The following NOS1AP variants were observed in gnomAD, a reference collection of about 807,000 sequenced individuals.
NOS1AP encodes the protein nitric oxide synthase 1 adaptor protein, also known as carboxyl-terminal PDZ ligand of neuronal nitric oxide synthase protein.
A neutral mutation model predicts 56.2 loss-of-function variants in NOS1AP; 21 were observed. That is an observed-to-expected ratio of 0.37 (90% CI 0.26 to 0.54). The LOEUF is 0.54. Ranked by LOEUF, NOS1AP falls within the 20% of genes least tolerant of loss-of-function variation. The probability of loss-of-function intolerance (pLI) is 0.84; values close to 1 mark genes in which losing one functional copy is unlikely to be tolerated. For synonymous variants in NOS1AP, 270 were observed against 274.6 expected (o/e 0.98, Z 0.17); for missense variants, 522 against 657.8 (o/e 0.79, Z 2.26).
rs572122759 is a variant in NOS1AP at position 162,316,704 on chromosome 1, T to G, written c.344+15998T>G. 7 of 152,520 alleles carry G rather than the reference T, an allele frequency of 4.6e-5. No homozygotes were observed. The South Asian group carries it at 1.2e-3, about 27-fold the overall frequency. 9.4% of individuals were successfully genotyped at this position (152,520 alleles called of 1,614,324 possible). On this transcript the variant is annotated intron_variant, in intron 4 of 9. Transcript: ENST00000361897. ...TAGGCAGTGGAGTTAAGAGCAATGTTTTAGGGGCAGGGGGTGGATCTCACA... is the reference window on the plus strand; with the variant it reads ...TAGGCAGTGGAGTTAAGAGCAATGTGTTAGGGGCAGGGGGTGGATCTCACA...
chr1:162,332,334 C>A (rs1656795458), intron 4 of NOS1AP, among the ~76,000 whole-genome samples: 1 of 152,156 alleles, frequency 6.6e-6, no homozygotes, highest in Admixed American at 6.5e-5. Flanking sequence ...CCTTATTTTT[C>A]TTCATAGCAC....
At chr1:162,336,917 G>A (rs1468839435) in intron 5 of NOS1AP, among the ~76,000 whole-genome samples, 1 of 152,224 alleles carries the variant, frequency 6.6e-6, no homozygotes, top group Admixed American at 6.5e-5. Context: ...TGCTAGAAAG[G>A]AGGGATGGGA....
chr1:162,139,433 T>G, intron 1 of NOS1AP, among the ~76,000 whole-genome samples: 1 of 152,224 alleles, frequency 6.6e-6, no homozygotes, highest in East Asian at 1.9e-4. Context: ...GGGAAAGGAC[T>G]GATGACAGGA....
At chr1:162,304,954 C>T (rs144824032) in intron 4 of NOS1AP, among the ~76,000 whole-genome samples, 7 of 152,220 alleles carry the variant, frequency 4.6e-5, no homozygotes, top group African/African-American at 1.4e-4. Flanking sequence ...TGGTTTGATT[C>T]ACTAGCTCTG....
At chr1:162,182,096 G>A (rs1193493126) in intron 2 of NOS1AP, among the ~76,000 whole-genome samples, 1 of 152,204 alleles carries the variant, frequency 6.6e-6, no homozygotes, top group Non-Finnish European at 1.5e-5. Flanking sequence ...AGAGGAGGAA[G>A]CCAGGGTCTG....
At chr1:162,075,107 C>T (rs980166468) in intron 1 of NOS1AP, among the ~76,000 whole-genome samples, 3 of 152,176 alleles carry the variant, frequency 2.0e-5, no homozygotes, top group Non-Finnish European at 4.4e-5. Context: ...CTGTTTACCA[C>T]ACAAAATTCT....
At chr1:162,281,848 C>T (rs1036486584) in intron 2 of NOS1AP, among the ~76,000 whole-genome samples, 5 of 152,178 alleles carry the variant, frequency 3.3e-5, no homozygotes, top group Admixed American at 2.6e-4. Flanking sequence ...AGGCCGGGCG[C>T]GGTGGCTCAC....
At chr1:162,182,343 C>T (rs189203841) in intron 2 of NOS1AP, among the ~76,000 whole-genome samples, 8 of 152,250 alleles carry the variant, frequency 5.3e-5, no homozygotes, top group Admixed American at 3.3e-4. Flanking sequence ...TGCAATAAAA[C>T]GAGTATCTCA....
chr1:162,350,003 A>T (rs1171302334), intron 6 of NOS1AP, among the ~76,000 whole-genome samples: 3 of 152,228 alleles, frequency 2.0e-5, no homozygotes, highest in South Asian at 2.1e-4. Flanking sequence ...AACTGCTAGG[A>T]ATGTGTTTCT....
chr1:162,104,687 G>T (rs1250455310), intron 1 of NOS1AP, among the ~76,000 whole-genome samples: 1 of 151,616 alleles, frequency 6.6e-6, no homozygotes, highest in Non-Finnish European at 1.5e-5. Flanking sequence ...CTTTCACTTG[G>T]TCTATTCTGC....
At chr1:162,224,791 A>C (rs141240624) in intron 2 of NOS1AP, among the ~76,000 whole-genome samples, 23 of 152,260 alleles carry the variant, frequency 1.5e-4, no homozygotes, top group African/African-American at 5.3e-4. Context: ...ATTGACCAGA[A>C]TCTTCCCTGT....
chr1:162,135,759 A>G (rs970558636), intron 1 of NOS1AP, among the ~76,000 whole-genome samples: 3 of 152,226 alleles, frequency 2.0e-5, no homozygotes, highest in Admixed American at 6.5e-5. Context: ...TTTTGGGAAC[A>G]TTAAAGGCCT....
chr1:162,242,827 C>T (rs1423828176), intron 2 of NOS1AP, among the ~76,000 whole-genome samples: 2 of 152,104 alleles, frequency 1.3e-5, no homozygotes, highest in Admixed American at 1.3e-4. Flanking sequence ...CAGCAGTGAG[C>T]ATAAAACCTT....
chr1:162,147,526 C>T (rs1239807230), intron 1 of NOS1AP, among the ~76,000 whole-genome samples: 3 of 151,984 alleles, frequency 2.0e-5, no homozygotes, highest in Non-Finnish European at 4.4e-5. Context: ...CATTATGATT[C>T]GTGTACCAGG....
At position 162,187,264 on chromosome 1, in the gene NOS1AP, G is replaced by A. The variant is rs530504722; in HGVS notation, c.177+32788G>A. Among the ~76,000 whole-genome samples the A allele has an allele frequency of 2.6e-5, 4 of 152,250 alleles. No individual in the cohort carries two copies. In the South Asian group the frequency reaches 6.2e-4, roughly 24 times the overall value. On this transcript the variant is annotated intron_variant, in intron 2 of 9. Transcript: ENST00000361897. Reference sequence around the variant, plus strand: ...TTACAGGCATGAGCCACCACATTCAGCCACCATGCATAAAGTTTTGTGATC... The same window carrying A: ...TTACAGGCATGAGCCACCACATTCAACCACCATGCATAAAGTTTTGTGATC...
At chr1:162,276,817 G>A (rs539031782) in intron 2 of NOS1AP, among the ~76,000 whole-genome samples, 25 of 152,298 alleles carry the variant, frequency 1.6e-4, no homozygotes, top group African/African-American at 6.0e-4. Context: ...ATGTATGAGA[G>A]TTGTATGTTA....
chr1:162,330,818 T>C (rs1656743439), intron 4 of NOS1AP, among the ~76,000 whole-genome samples: 1 of 152,178 alleles, frequency 6.6e-6, no homozygotes, highest in Non-Finnish European at 1.5e-5. Flanking sequence ...AGATGATCAA[T>C]AGCTTGGAGT....
intron 4 of NOS1AP, among the ~76,000 whole-genome samples, chr1:162,320,518 C>T (rs1248098469): frequency 6.6e-6 from 1 of 152,172 alleles, no homozygotes; most frequent in Non-Finnish European, 1.5e-5. Context: ...TGCCTTCCAA[C>T]CACCCCCTCC....
At chr1:162,298,707 T>A (rs1027334502) in intron 3 of NOS1AP, among the ~76,000 whole-genome samples, 1 of 151,936 alleles carries the variant, frequency 6.6e-6, no homozygotes, top group Admixed American at 6.6e-5. Flanking sequence ...AAAAAGACAA[T>A]CAACTGGTGC....
Sources: gnomAD v4.1 joint callset for allele counts (sites outside exome capture counted in the v4.1 genomes callset) on GRCh38, gnomAD v4.1.1 for gene constraint, MANE v1.5 for transcripts, NCBI Gene and HGNC (gene_info 2026-07-23, HGNC 2026-07-21) for gene names.